The following SCN8A variants were observed in gnomAD, a reference collection of about 807,000 sequenced individuals.
SCN8A encodes sodium voltage-gated channel alpha subunit 8, also known as sodium channel protein type 8 subunit alpha.
SCN8A carries 30 observed loss-of-function variants against 184.1 expected under a neutral mutation model. The ratio of observed to expected loss-of-function variants is 0.16; its 90% CI spans 0.12 to 0.22. The LOEUF (loss-of-function observed/expected upper bound fraction) is 0.22. SCN8A is among the 10% of genes least tolerant of loss of function. The probability of loss-of-function intolerance (pLI) is 1.00; values close to 1 mark genes in which losing one functional copy is unlikely to be tolerated. For missense variants in SCN8A, 1,057 were observed against 2,498.9 expected, an observed-to-expected ratio of 0.42 and a Z score of 12.30; for synonymous variants, 852 against 907.0, an observed-to-expected ratio of 0.94 and a Z score of 1.09.
intron 19 of SCN8A, 67 bp from the exon 20 acceptor site, chr12:51,774,122 T>C: frequency 2.0e-6 from 3 of 1,484,904 alleles, no homozygotes; most frequent in Non-Finnish European, 2.8e-6. Flanking sequence ...TCCCTGAGGA[T>C]AGCAGTGCTC....
rs570528361 is a variant in SCN8A at position 51,760,892 on chromosome 12, G to GT, written c.2371-1604dup. Among the ~76,000 whole-genome samples the GT allele has an allele frequency of 1.9e-4, 29 of 151,930 alleles. No homozygotes were observed. In the South Asian group the frequency reaches 4.8e-3, roughly 25 times the overall value. ...TTTGATGTATTTTAGTCATCATTCT[G>GT]TTTTTTTATTGCTGTTTATTAATTC... is the stretch of plus-strand genomic sequence containing the variant. On this transcript the variant is annotated intron_variant, in intron 14 of 26. Coordinates refer to ENST00000627620, the MANE Select transcript of SCN8A (RefSeq NM_001330260.2).
At chr12:51,738,863 C>T (rs752214926) in intron 12 of SCN8A, among the ~76,000 whole-genome samples, 3 of 152,204 alleles carry the variant, frequency 2.0e-5, no homozygotes, top group Non-Finnish European at 2.9e-5. Flanking sequence ...AGAAGGCTCA[C>T]AGCTTTTGTG....
intron 1 of SCN8A, among the ~76,000 whole-genome samples, chr12:51,648,838 A>G (rs1203335567): frequency 1.3e-5 from 2 of 152,126 alleles, no homozygotes; most frequent in African/African-American, 2.4e-5. Flanking sequence ...ATGTCCTCAC[A>G]TTTCAAAACC....
At chr12:51,594,209 T>TA (rs1284879336) in intron 1 of SCN8A, among the ~76,000 whole-genome samples, 48 of 152,334 alleles carry the variant, frequency 3.2e-4, no homozygotes, top group African/African-American at 1.1e-3. Context: ...GTAGGGAACT[T>TA]ACTGCCACAT....
At chr12:51,685,655 G>A (rs938702178) in intron 3 of SCN8A, among the ~76,000 whole-genome samples, 1 of 152,128 alleles carries the variant, frequency 6.6e-6, no homozygotes, top group Non-Finnish European at 1.5e-5. Flanking sequence ...CTAACACGCC[G>A]CAGCTGGTTT....
At chr12:51,636,033 C>T (rs376375168) in intron 1 of SCN8A, among the ~76,000 whole-genome samples, 3 of 152,324 alleles carry the variant, frequency 2.0e-5, no homozygotes, top group African/African-American at 4.8e-5. Flanking sequence ...CTCGCTCTGT[C>T]GCCCAGGCTG....
chr12:51,636,287 C>T (rs941910780), intron 1 of SCN8A, among the ~76,000 whole-genome samples: 5 of 152,308 alleles, frequency 3.3e-5, no homozygotes, highest in South Asian at 2.1e-4. Context: ...TGAACCACAG[C>T]GCCTGGCCGA....
rs189692735 is a variant in SCN8A at position 51,812,291 on chromosome 12, G to C, written c.*4862G>C. 2,782 of 154,266 alleles carry C rather than the reference G, an allele frequency of 0.018. 42 individuals carry two copies. Among genetic ancestry groups the C allele is most frequent in the Non-Finnish European group, 0.027 (1,875 of 69,266 alleles). The allele number at this position is 154,266 out of a possible 1,614,324, so 9.6% of individuals were successfully genotyped here. ...GTGGTTCCAGAAAAGGGACAGAACT[G>C]TGTTCTGTCCCTAGCTTGACCGCTG... is the stretch of plus-strand genomic sequence containing the variant. On this transcript the variant is annotated 3_prime_UTR_variant, in exon 27 of 27. Transcript: ENST00000627620.
chr12:51,731,542 C>A (rs1251662074), intron 12 of SCN8A, among the ~76,000 whole-genome samples: 1 of 152,192 alleles, frequency 6.6e-6, no homozygotes, highest in Non-Finnish European at 1.5e-5. Flanking sequence ...TGAGCCACCA[C>A]GCCCGACTGG....
rs190598396 is a variant in SCN8A, at chr12:51,599,966, T to C, written c.-55+8607T>C. On this transcript the variant is annotated intron_variant, in intron 1 of 26. Transcript: ENST00000627620. The stretch of plus-strand genomic sequence containing the variant: ...TAAAGATTAGAGATAGAGAGTCTCC[T>C]ATTTTGAAAATCTGGGGAAGTATGT... Among the ~76,000 whole-genome samples, 463 of 152,346 alleles carry C rather than the reference T, an allele frequency of 3.0e-3. 3 individuals are homozygous for C. Among genetic ancestry groups the C allele is most frequent in the African/African-American group, 0.011 (438 of 41,588 alleles).
Position 51,806,512 on chromosome 12 carries a change from G to A in SCN8A, c.5026G>A (p.Val1676Met). 1.6e-5 allele frequency: 26 copies of A among 1,614,214 alleles called. No individual in the cohort carries two copies. The highest frequency in any genetic ancestry group is 2.1e-5 in the Non-Finnish European group (25 of 1,180,042). ...SIFGMSNFAY[V>M]KHEAGIDDMF... ...TTTTGGGATGTCCAATTTTGCATATGTGAAGCACGAGGCTGGTATCGATGA... is the reference window on the plus strand; with the variant it reads ...TTTTGGGATGTCCAATTTTGCATATATGAAGCACGAGGCTGGTATCGATGA... Residue 1676 changes from valine to methionine, a missense_variant, in exon 27 of 27, where the codon GTG (valine) becomes ATG (methionine). Coordinates refer to ENST00000627620, the MANE Select transcript of SCN8A (RefSeq NM_001330260.2). This position sits in a 1 kb window ranked among gnomAD's most constrained non-coding sequence, Gnocchi z 8.7.
chr12:51,597,376 G>GT (rs1350002183), intron 1 of SCN8A, among the ~76,000 whole-genome samples: 1 of 152,142 alleles, frequency 6.6e-6, no homozygotes, highest in Non-Finnish European at 1.5e-5. Context: ...GATTAGTGTA[G>GT]TTTTTTGTGC....
intron 14 of SCN8A, among the ~76,000 whole-genome samples, chr12:51,756,242 C>T (rs1326091314): frequency 6.6e-6 from 1 of 152,128 alleles, no homozygotes; most frequent in East Asian, 1.9e-4. Context: ...TGGAAGTTCT[C>T]ACCTGGCCCA....
Position 51,629,760 on chromosome 12 carries a change from T to G in SCN8A, c.-54-33004T>G, listed in dbSNP as rs141588544. On this transcript the variant is annotated intron_variant, in intron 1 of 26. Transcript: ENST00000627620. ...CAGGATATTCTCTGTGGCATACTCTTGGGAGAGGGCTAAGAGGTGGGAAGG... is the reference window on the plus strand; with the variant it reads ...CAGGATATTCTCTGTGGCATACTCTGGGGAGAGGGCTAAGAGGTGGGAAGG... Among the ~76,000 whole-genome samples, 3 of 152,200 alleles carry G rather than the reference T, an allele frequency of 2.0e-5. No homozygotes were observed. In the East Asian group the frequency reaches 5.8e-4, roughly 29 times the overall value.
chr12:51,638,534 TG>T (rs1940370648), intron 1 of SCN8A, among the ~76,000 whole-genome samples: 1 of 151,444 alleles, frequency 6.6e-6, no homozygotes, highest in Non-Finnish European at 1.5e-5. Context: ...GTCACCAGGC[TG>T]GAGTATAGTG....
At chr12:51,605,782 C>T (rs745466712) in intron 1 of SCN8A, among the ~76,000 whole-genome samples, 2 of 152,176 alleles carry the variant, frequency 1.3e-5, no homozygotes, top group Non-Finnish European at 2.9e-5. Context: ...TTGATTATGG[C>T]CATTCTTTCA....
chr12:51,636,804 CAT>C (rs1297794957), intron 1 of SCN8A, among the ~76,000 whole-genome samples: 1 of 152,192 alleles, frequency 6.6e-6, no homozygotes. Context: ...GATTAATAAG[CAT>C]ACTTTTTGCC....
At chr12:51,770,506 C>T (rs1258756277) in intron 18 of SCN8A, 23 bp from the exon 19 acceptor site, 14 of 1,559,460 alleles carry the variant, frequency 9.0e-6, no homozygotes, top group Non-Finnish European at 1.1e-5. Context: ...CACGGTCTGA[C>T]CCGCCTCTCC....
intron 20 of SCN8A, chr12:51,780,152 G>C (rs774492806): frequency 1.1e-4 from 50 of 447,346 alleles, no homozygotes; most frequent in Non-Finnish European, 8.1e-5. Context: ...GAGCTGAGGA[G>C]GGGGCAGCTT....
Sources: gnomAD v4.1 joint callset for allele counts (sites outside exome capture counted in the v4.1 genomes callset) on GRCh38, gnomAD v4.1.1 for gene constraint, Gnocchi (gnomAD v3.1) non-coding constraint, MANE v1.5 for transcripts, NCBI Gene and HGNC (gene_info 2026-07-23, HGNC 2026-07-21) for gene names.